PDE6C: variants seen among roughly 807,000 people sequenced by gnomAD.
PDE6C encodes the protein phosphodiesterase 6C, also known as cone cGMP-specific 3',5'-cyclic phosphodiesterase subunit alpha'.
A neutral mutation model predicts 113.1 loss-of-function variants in PDE6C; 75 were observed. The ratio of observed to expected loss-of-function variants is 0.66; its 90% CI spans 0.55 to 0.80. The LOEUF (loss-of-function observed/expected upper bound fraction) is 0.80, where lower values mean the gene tolerates loss of function less well. Ranked by LOEUF, PDE6C falls within the 30% of genes least tolerant of loss-of-function variation. The probability of loss-of-function intolerance (pLI) is 0.00; values close to 1 mark genes in which losing one functional copy is unlikely to be tolerated. For missense variants in PDE6C, 912 were observed against 1,038.6 expected (o/e 0.88, Z 1.67); for synonymous variants, 375 against 363.7 (o/e 1.03, Z -0.35).
rs762325490 is a variant in PDE6C, at chr10:93,665,447, A to G, written c.*29A>G. ...TATCTAACTGGTCTAAACTTCAAAT[A>G]TCATTTTACCTTTGAAGAAAACCAG... On this transcript the variant is annotated 3_prime_UTR_variant, in exon 22 of 22. Coordinates refer to ENST00000371447, the MANE Select transcript of PDE6C (RefSeq NM_006204.4). 1.4e-6 allele frequency: 2 copies of G among 1,384,412 alleles called. No individual in the cohort carries two copies. The highest frequency in any genetic ancestry group is 2.3e-5 in the East Asian group (1 of 43,786). The allele number at this position is 1,384,412 out of a possible 1,614,324, so 85.8% of individuals were successfully genotyped here.
Position 93,655,795 on chromosome 10 carries a change from G to A in PDE6C, c.1971G>A (p.Gln657=). 6.2e-7 allele frequency: 1 copy of A among 1,609,474 alleles called. No individual in the cohort carries two copies. The highest frequency in any genetic ancestry group is 8.5e-7 in the Non-Finnish European group (1 of 1,175,866). Residue 657 remains glutamine, a synonymous_variant, in exon 16 of 22, where the codon CAG becomes CAA. Transcript: ENST00000371447. The stretch of plus-strand genomic sequence containing the variant: ...TCTTCCAGAACCTAAATAAGCGGCA[G>A]TTTGAAACAGTTATTCATTTGTTCG... ...LNIFQNLNKR[Q]FETVIHLFEV... is the part of the protein sequence containing the mutation.
rs748506495 is a variant in PDE6C at position 93,655,771 on chromosome 10, C to A, written c.1947C>A (p.Ile649=). 2 of 1,590,538 alleles carry A rather than the reference C, an allele frequency of 1.3e-6. No homozygotes were observed. The highest frequency in any genetic ancestry group is 1.7e-6 in the Non-Finnish European group (2 of 1,158,712). ...KTLLQDESLN[I]FQNLNKRQFE... ...TTTTCATCTTACAGAGTTTAAACAT[C>A]TTCCAGAACCTAAATAAGCGGCAGT... The change falls in exon 16 of 22, where the codon ATC becomes ATA. Residue 649 remains isoleucine, a synonymous_variant. Transcript: ENST00000371447.
At chr10:93,640,039 A>G (rs762831582) in intron 11 of PDE6C, 31 bp from the exon 12 acceptor site, 50 of 1,612,916 alleles carry the variant, frequency 3.1e-5, no homozygotes, top group Non-Finnish European at 5.1e-6. Context: ...AGATGAATGT[A>G]ATCTGAAACA....
intron 7 of PDE6C, 54 bp downstream of exon 7, chr10:93,626,925 A>G: frequency 7.0e-7 from 1 of 1,426,348 alleles, no homozygotes; most frequent in South Asian, 1.2e-5. Context: ...AACTCTTATT[A>G]GCTAAGAGAT....
At chr10:93,638,225 A>G (rs548883213) in intron 11 of PDE6C, among the ~76,000 whole-genome samples, 3 of 149,638 alleles carry the variant, frequency 2.0e-5, no homozygotes, top group South Asian at 4.2e-4. Context: ...AAACTAAGAC[A>G]CATCGACTAT....
intron 15 of PDE6C, among the ~76,000 whole-genome samples, chr10:93,649,262 A>T (rs2901714): frequency 0.46 from 70,532 of 152,056 alleles, 17,330 homozygotes; most frequent in Non-Finnish European, 0.54. Flanking sequence ...TGTCTCCACA[A>T]AATGTCTTCA....
At chr10:93,613,285 C>T in intron 1 of PDE6C, 80 bp downstream of exon 1, 7 of 1,578,896 alleles carry the variant, frequency 4.4e-6, no homozygotes, top group Non-Finnish European at 4.3e-6. Context: ...TAGTGCTATC[C>T]TTGTGGCATT....
chr10:93,620,500 G>A, intron 1 of PDE6C, 132 bp from the exon 2 acceptor site: 1 of 878,968 alleles, frequency 1.1e-6, no homozygotes, highest in South Asian at 1.4e-5. Flanking sequence ...TTGTTTACTG[G>A]GGACCACTGT....
At chr10:93,664,247 T>C (rs987245312) in intron 21 of PDE6C, among the ~76,000 whole-genome samples, 3 of 152,222 alleles carry the variant, frequency 2.0e-5, no homozygotes, top group African/African-American at 7.2e-5. Context: ...GGCACTAGTG[T>C]GCACATGGGC....
chr10:93,629,271 T>G lies in PDE6C; in HGVS notation c.1085T>G (p.Met362Arg). ...VAENGFICNM[M>R]NAPADEYFTF... The stretch of plus-strand genomic sequence containing the variant: ...CTTGCCTTCCAGATCTGTAACATGA[T>G]GAATGCCCCTGCGGATGAATACTTC... The change falls in exon 8 of 22, where the codon ATG becomes AGG. Residue 362 changes from methionine to arginine, a missense_variant. Transcript: ENST00000371447. 1 of 1,611,736 alleles carries G rather than the reference T, an allele frequency of 6.2e-7. No individual in the cohort carries two copies. Among genetic ancestry groups the G allele is most frequent in the Non-Finnish European group, 8.5e-7 (1 of 1,177,788 alleles).
chr10:93,618,802 GGCCAACCA>G (rs1261803357), intron 1 of PDE6C, among the ~76,000 whole-genome samples: 1 of 152,166 alleles, frequency 6.6e-6, no homozygotes, highest in Non-Finnish European at 1.5e-5. Flanking sequence ...GAGTTCTATT[GGCCAACCA>G]GCCCTTGTTC....
chr10:93,661,463 C>G (rs963684858), intron 18 of PDE6C, among the ~76,000 whole-genome samples: 2 of 152,194 alleles, frequency 1.3e-5, no homozygotes, highest in Non-Finnish European at 2.9e-5. Context: ...TGTTACAGCA[C>G]TTACCACACT....
rs1443481372 is a variant in PDE6C at position 93,635,553 on chromosome 10, G to A, written c.1326G>A (p.Met442Ile). The A allele has an allele frequency of 8.1e-6, 13 of 1,612,744 alleles. No individual in the cohort carries two copies. Among genetic ancestry groups the A allele is most frequent in the East Asian group, 2.2e-5 (1 of 44,876 alleles). The change falls in exon 10 of 22, where the codon ATG becomes ATA. Residue 442 changes from methionine (M) to isoleucine (I), a missense_variant. By Grantham distance (10) the Met-to-Ile change is conservative. Coordinates refer to ENST00000371447, the MANE Select transcript of PDE6C (RefSeq NM_006204.4). ...TAAATACTGACACCTACGATAAGAT[G>A]AATAAGCTAGAAAACAGAAAGGACA... ...SLLNTDTYDK[M>I]NKLENRKDIA... is the part of the protein sequence containing the mutation.
chr10:93,653,592 T>C (rs184256432), intron 15 of PDE6C, among the ~76,000 whole-genome samples: 2 of 151,874 alleles, frequency 1.3e-5, no homozygotes, highest in Non-Finnish European at 2.9e-5. Context: ...TGAAGTGAGC[T>C]GAGATTGTGC....
At chr10:93,651,914 G>T (rs75669066) in intron 15 of PDE6C, among the ~76,000 whole-genome samples, 1 of 152,058 alleles carries the variant, frequency 6.6e-6, no homozygotes, top group African/African-American at 2.4e-5. Flanking sequence ...TCTCCTGTGC[G>T]CTGGGCACAT....
chr10:93,630,257 T>A (rs557060705), intron 8 of PDE6C, among the ~76,000 whole-genome samples: 2 of 152,096 alleles, frequency 1.3e-5, no homozygotes, highest in Non-Finnish European at 2.9e-5. Context: ...TGTGCTACTC[T>A]ACCTGACCCA....
At chr10:93,652,639 A>G (rs1396378528) in intron 15 of PDE6C, among the ~76,000 whole-genome samples, 2 of 152,168 alleles carry the variant, frequency 1.3e-5, no homozygotes, top group Non-Finnish European at 2.9e-5. Flanking sequence ...CAGTTGTTTT[A>G]TTATTTTGGA....
intron 15 of PDE6C, among the ~76,000 whole-genome samples, chr10:93,654,979 G>A (rs1193393295): frequency 3.3e-5 from 5 of 151,454 alleles, no homozygotes; most frequent in Non-Finnish European, 7.4e-5. Context: ...AGCTATTTTT[G>A]TATTTCCATA....
At chr10:93,661,556 G>A (rs908056416) in intron 18 of PDE6C, among the ~76,000 whole-genome samples, 5 of 152,156 alleles carry the variant, frequency 3.3e-5, no homozygotes, top group Non-Finnish European at 4.4e-5. Context: ...CCTGGCTCAT[G>A]CCAATGTAAA....
Sources: allele counts gnomAD v4.1 joint callset (sites outside exome capture counted in the v4.1 genomes callset), GRCh38; gene constraint gnomAD v4.1.1; transcripts MANE v1.5; gene names NCBI Gene and HGNC (gene_info 2026-07-23, HGNC 2026-07-21).